The following RFTN1 variants were observed in gnomAD, a reference collection of about 807,000 sequenced individuals.
RFTN1 encodes the protein raftlin.
In RFTN1, 26 loss-of-function variants were observed where a neutral mutation model predicts 46.5. The observed-to-expected ratio is 0.56, with a 90% CI of 0.41 to 0.78. The LOEUF is 0.78. Among genes scored for constraint, RFTN1 ranks in the 30% least tolerant of loss-of-function variants. RFTN1 has a pLI of 0.00. For missense variants in RFTN1, 693 were observed against 718.7 expected (o/e 0.96, Z 0.41); for synonymous variants, 261 against 284.2 (o/e 0.92, Z 0.82).
chr3:16,503,859 A>T (rs901431437), intron 1 of RFTN1, among the ~76,000 whole-genome samples: 6 of 152,242 alleles, frequency 3.9e-5, no homozygotes, highest in African/African-American at 1.2e-4. Context: ...AAAAGTACAG[A>T]AAATGAGATG....
intron 1 of RFTN1, among the ~76,000 whole-genome samples, chr3:16,495,363 T>A (rs1170347906): frequency 2.0e-5 from 3 of 152,220 alleles, no homozygotes; most frequent in African/African-American, 7.2e-5. Flanking sequence ...CGTCAAGATG[T>A]GCACTGTTAC....
intron 6 of RFTN1, among the ~76,000 whole-genome samples, chr3:16,358,713 C>T (rs1439285836): frequency 6.6e-6 from 1 of 152,066 alleles, no homozygotes; most frequent in East Asian, 1.9e-4. Flanking sequence ...TGATCAAGAA[C>T]TATCTTAGGC....
In RFTN1 at chr3:16,364,693, G is replaced by A. The variant is rs145943182; in HGVS notation, c.1030+5383C>T. ...ATAAATAAAAATATGCTTGTAAATGGCTAAGTTACGTATATAGCTGTGTAT... is the reference window on the plus strand; with the variant it reads ...ATAAATAAAAATATGCTTGTAAATGACTAAGTTACGTATATAGCTGTGTAT... On this transcript the variant is annotated intron_variant, in intron 6 of 9. Transcript: ENST00000334133. Among the ~76,000 whole-genome samples the A allele has an allele frequency of 6.5e-4, 99 of 152,290 alleles. 2 individuals are homozygous for A. In the East Asian group the frequency reaches 0.018, roughly 28 times the overall value.
intron 1 of RFTN1, among the ~76,000 whole-genome samples, chr3:16,496,402 C>T (rs555221809): frequency 6.6e-6 from 1 of 152,214 alleles, no homozygotes; most frequent in Admixed American, 6.5e-5. Flanking sequence ...AAAAGATACA[C>T]TACCCAACAG....
At chr3:16,405,372 T>C (rs904184607) in intron 4 of RFTN1, among the ~76,000 whole-genome samples, 2 of 152,154 alleles carry the variant, frequency 1.3e-5, no homozygotes, top group Admixed American at 6.5e-5. Context: ...TGGTCCATAA[T>C]AACTTACATA....
At chr3:16,409,093 G>C (rs1308262159) in intron 4 of RFTN1, among the ~76,000 whole-genome samples, 2 of 152,216 alleles carry the variant, frequency 1.3e-5, no homozygotes, top group Non-Finnish European at 2.9e-5. Context: ...GGGTTTGAAA[G>C]GAGTCCCGGC....
At chr3:16,476,119 T>C (rs1297073496) in intron 2 of RFTN1, among the ~76,000 whole-genome samples, 1 of 152,198 alleles carries the variant, frequency 6.6e-6, no homozygotes, top group Non-Finnish European at 1.5e-5. Flanking sequence ...ACCTGTGTGG[T>C]GGGGCGAGGA....
Position 16,473,596 on chromosome 3 carries a change from G to A in RFTN1, c.145+20129C>T, listed in dbSNP as rs544140392. On this transcript the variant is annotated intron_variant, in intron 2 of 9. Coordinates refer to ENST00000334133, the MANE Select transcript of RFTN1 (RefSeq NM_015150.2). The surrounding 1 kb of genome is among the most constrained non-coding windows in gnomAD (Gnocchi z 5.3). ...TTTTGTATTTTTTTTTAGTAGAAAC[G>A]GAGTTTCACCGTGTTGCCCAGGCTG... is the stretch of plus-strand genomic sequence containing the variant. 3.1e-4 allele frequency among the ~76,000 whole-genome samples: 47 copies of A among 152,008 alleles called. No individual in the cohort carries two copies. The highest frequency in any genetic ancestry group is 1.1e-3 in the African/African-American group (44 of 41,476).
intron 2 of RFTN1, among the ~76,000 whole-genome samples, chr3:16,467,233 G>T (rs1241772244): frequency 6.6e-6 from 1 of 152,188 alleles, no homozygotes; most frequent in African/African-American, 2.4e-5. Flanking sequence ...AAGTGGATAT[G>T]ATGGCATTGG....
chr3:16,493,293 G>GT (rs2076571059), intron 2 of RFTN1, among the ~76,000 whole-genome samples: 1 of 151,282 alleles, frequency 6.6e-6, no homozygotes, highest in African/African-American at 2.4e-5. Flanking sequence ...GTGCAGTGGC[G>GT]TGATCTCGGC....
chr3:16,459,689 G>A lies in RFTN1; in HGVS notation c.146-25652C>T, dbSNP rs2075975260. ...CTTAAAATTTTTCTTAAAAATTCTAGTCCATGTGCAGAATTCACTTGCTTA... is the reference window on the plus strand; with the variant it reads ...CTTAAAATTTTTCTTAAAAATTCTAATCCATGTGCAGAATTCACTTGCTTA... On this transcript the variant is annotated intron_variant, in intron 2 of 9. Coordinates refer to ENST00000334133, the MANE Select transcript of RFTN1 (RefSeq NM_015150.2). The surrounding 1 kb of genome is among the most constrained non-coding windows in gnomAD (Gnocchi z 4.2). Among the ~76,000 whole-genome samples the A allele has an allele frequency of 6.6e-6, 1 of 152,016 alleles. No homozygotes were observed. Among genetic ancestry groups the A allele is most frequent in the Admixed American group, 6.5e-5 (1 of 15,268 alleles).
rs1427769541 is a variant in RFTN1, at chr3:16,427,426, T to C, written c.332+6425A>G. On this transcript the variant is annotated intron_variant, in intron 3 of 9. Coordinates refer to ENST00000334133, the MANE Select transcript of RFTN1 (RefSeq NM_015150.2). The surrounding 1 kb of genome is among the most constrained non-coding windows in gnomAD (Gnocchi z 5.4). ...GGGATGAGCATTCTCTGAGATTTAC[T>C]TTCCTGGAAATAAAACAGCAAAAGC... Among the ~76,000 whole-genome samples, 3 of 152,194 alleles carry C rather than the reference T, an allele frequency of 2.0e-5. No homozygotes were observed. The highest frequency in any genetic ancestry group is 4.4e-5 in the Non-Finnish European group (3 of 68,034).
chr3:16,361,652 A>C lies in RFTN1; in HGVS notation c.1031-3605T>G, dbSNP rs751231908. Among the ~76,000 whole-genome samples, 1 of 152,204 alleles carries C rather than the reference A, an allele frequency of 6.6e-6. No homozygotes were observed. The highest frequency in any genetic ancestry group is 1.5e-5 in the Non-Finnish European group (1 of 68,034). ...CAGCCAAGGACCAGGTGAGCAGCAG[A>C]ATCAGGAGAGAAGGTGGTTAAGACT... On this transcript the variant is annotated intron_variant, in intron 6 of 9. Coordinates refer to ENST00000334133, the MANE Select transcript of RFTN1 (RefSeq NM_015150.2). This position sits in a 1 kb window ranked among gnomAD's most constrained non-coding sequence, Gnocchi z 4.3.
At chr3:16,503,825 T>C (rs2076753950) in intron 1 of RFTN1, among the ~76,000 whole-genome samples, 1 of 152,226 alleles carries the variant, frequency 6.6e-6, no homozygotes, top group Non-Finnish European at 1.5e-5. Flanking sequence ...ATTATTTTAA[T>C]TATAAACCAC....
chr3:16,473,829 C>T lies in RFTN1; in HGVS notation c.145+19896G>A, dbSNP rs545117845. Among the ~76,000 whole-genome samples, 8 of 152,334 alleles carry T rather than the reference C, an allele frequency of 5.3e-5. No individual in the cohort carries two copies. The highest frequency in any genetic ancestry group is 1.3e-4 in the Admixed American group (2 of 15,304). On this transcript the variant is annotated intron_variant, in intron 2 of 9. Coordinates refer to ENST00000334133, the MANE Select transcript of RFTN1 (RefSeq NM_015150.2). This position sits in a 1 kb window ranked among gnomAD's most constrained non-coding sequence, Gnocchi z 5.3. ...AGTCCTCCCACTTCTCCCTATCCTT[C>T]CCTGTCCTAGAAGCACGAAACCTAC...
In RFTN1 at chr3:16,338,277, C is replaced by T. The variant is rs1478995611; in HGVS notation, c.1147-11401G>A. 1.3e-5 allele frequency among the ~76,000 whole-genome samples: 2 copies of T among 152,182 alleles called. No individual in the cohort carries two copies. Among genetic ancestry groups the T allele is most frequent in the Non-Finnish European group, 2.9e-5 (2 of 68,034 alleles). ...CTGCATGAGCAGAATGAGAACCAGGCAAGGCATGCAACCACGCAAGGCTCC... is the reference window on the plus strand; with the variant it reads ...CTGCATGAGCAGAATGAGAACCAGGTAAGGCATGCAACCACGCAAGGCTCC... On this transcript the variant is annotated intron_variant, in intron 7 of 9. Transcript: ENST00000334133. The surrounding 1 kb of genome is among the most constrained non-coding windows in gnomAD (Gnocchi z 5.3).
chr3:16,457,650 A>T lies in RFTN1; in HGVS notation c.146-23613T>A. Among the ~76,000 whole-genome samples the T allele has an allele frequency of 6.6e-6, 1 of 152,208 alleles. No homozygotes were observed. The highest frequency in any genetic ancestry group is 1.9e-4 in the East Asian group (1 of 5,202). The stretch of plus-strand genomic sequence containing the variant: ...TTCGGTGCCTCTGATTGAAAGTGGC[A>T]AGTGCTGCCTGAAACAAAAATTACA... On this transcript the variant is annotated intron_variant, in intron 2 of 9. Coordinates refer to ENST00000334133, the MANE Select transcript of RFTN1 (RefSeq NM_015150.2). This position sits in a 1 kb window ranked among gnomAD's most constrained non-coding sequence, Gnocchi z 4.2.
In RFTN1 at chr3:16,489,961, A is replaced by G. The variant is rs1408263670; in HGVS notation, c.145+3764T>C. 6.6e-6 allele frequency among the ~76,000 whole-genome samples: 1 copy of G among 152,192 alleles called. No individual in the cohort carries two copies. Among genetic ancestry groups the G allele is most frequent in the African/African-American group, 2.4e-5 (1 of 41,456 alleles). ...TGAGGTGAGGACGTAATGTCCTATC[A>G]CAGGACTGGGCACATAGTAGCACTC... On this transcript the variant is annotated intron_variant, in intron 2 of 9. Transcript: ENST00000334133. The surrounding 1 kb of genome is among the most constrained non-coding windows in gnomAD (Gnocchi z 4.0).
chr3:16,438,422 C>G (rs765195055), intron 2 of RFTN1, among the ~76,000 whole-genome samples: 1 of 150,982 alleles, frequency 6.6e-6, no homozygotes, highest in African/African-American at 2.4e-5. Context: ...CTGTCTCTAC[C>G]CAAAATACAA....
Sources: allele counts gnomAD v4.1 joint callset (sites outside exome capture counted in the v4.1 genomes callset), GRCh38; gene constraint gnomAD v4.1.1; non-coding constraint Gnocchi (gnomAD v3.1); transcripts MANE v1.5; gene names NCBI Gene and HGNC (gene_info 2026-07-23, HGNC 2026-07-21).